The following ENTREP2 variants were observed in gnomAD, a reference collection of about 807,000 sequenced individuals.
ENTREP2 encodes endosomal transmembrane epsin interactor 2.
chr15:29,673,414 C>A, the ENTREP2 span, among the ~76,000 whole-genome samples: 2 of 151,936 alleles, frequency 1.3e-5, no homozygotes, highest in African/African-American at 4.8e-5. Context: ...GTGGTTCAAA[C>A]ACCTCTGACA....
chr15:29,650,177 TAA>T, the ENTREP2 span, among the ~76,000 whole-genome samples: 1 of 143,586 alleles, frequency 7.0e-6, no homozygotes, highest in African/African-American at 2.5e-5. Context: ...TAACTAAACT[TAA>T]AAAAAAAAAA....
chr15:29,159,780 C>T, the ENTREP2 span, among the ~76,000 whole-genome samples: 178 of 152,310 alleles, frequency 1.2e-3, 1 homozygote, highest in Non-Finnish European at 2.0e-3. Flanking sequence ...TTGAGCTAGA[C>T]ACAGAGTGCC....
chr15:29,543,786 A>G, the ENTREP2 span, among the ~76,000 whole-genome samples: 1 of 151,774 alleles, frequency 6.6e-6, no homozygotes, highest in Non-Finnish European at 1.5e-5. Flanking sequence ...CTCAAAAAAA[A>G]AAAAAATCCC....
the ENTREP2 span, among the ~76,000 whole-genome samples, chr15:29,272,055 AC>A: frequency 6.6e-6 from 1 of 152,188 alleles, no homozygotes; most frequent in Non-Finnish European, 1.5e-5. Flanking sequence ...CTCCAGCAGC[AC>A]GCTTACCTAG....
the ENTREP2 span, among the ~76,000 whole-genome samples, chr15:29,513,131 T>C: frequency 6.6e-6 from 1 of 152,192 alleles, no homozygotes. Flanking sequence ...AAAGAAAAGC[T>C]GTTTTCCACT....
At chr15:29,600,481 A>G in the ENTREP2 span, among the ~76,000 whole-genome samples, 8 of 151,706 alleles carry the variant, frequency 5.3e-5, no homozygotes, top group Admixed American at 2.0e-4. Flanking sequence ...AATCATCATC[A>G]TCGTCATCTC....
At chr15:29,157,761 G>T in the ENTREP2 span, among the ~76,000 whole-genome samples, 1 of 145,450 alleles carries the variant, frequency 6.9e-6, no homozygotes, top group African/African-American at 2.6e-5. Flanking sequence ...ATGGAGTCTC[G>T]CTGTGTCGCC....
At chr15:29,140,903 G>A in the ENTREP2 span, among the ~76,000 whole-genome samples, 1 of 152,234 alleles carries the variant, frequency 6.6e-6, no homozygotes, top group African/African-American at 2.4e-5. Flanking sequence ...GTACACCTGT[G>A]TCTGGTGCCC....
the ENTREP2 span, among the ~76,000 whole-genome samples, chr15:29,593,801 A>G: frequency 6.6e-6 from 1 of 152,208 alleles, no homozygotes; most frequent in East Asian, 1.9e-4. Context: ...AATGGCTGTT[A>G]TGGAAGGGTG....
chr15:29,402,395 G>T, the ENTREP2 span, among the ~76,000 whole-genome samples: 14 of 151,920 alleles, frequency 9.2e-5, no homozygotes, highest in Non-Finnish European at 1.8e-4. Flanking sequence ...AGCTCACTGT[G>T]ACCTCCACCT....
At chr15:29,126,572 G>T in the ENTREP2 span, 1 of 1,197,698 alleles carries the variant, frequency 8.3e-7, no homozygotes, top group Non-Finnish European at 1.2e-6. Flanking sequence ...TCAAACTCCA[G>T]ACCTAGATGA....
the ENTREP2 span, among the ~76,000 whole-genome samples, chr15:29,232,583 C>T: frequency 6.6e-6 from 1 of 151,982 alleles, no homozygotes; most frequent in Non-Finnish European, 1.5e-5. Context: ...GCCTTGAACT[C>T]CTGGGCTCAA....
chr15:29,565,047 CTG>C, the ENTREP2 span, among the ~76,000 whole-genome samples: 1 of 152,090 alleles, frequency 6.6e-6, no homozygotes, highest in Non-Finnish European at 1.5e-5. Context: ...TATGATAAAA[CTG>C]TCAGTACTCC....
chr15:29,144,221 C>T, the ENTREP2 span, among the ~76,000 whole-genome samples: 1 of 152,180 alleles, frequency 6.6e-6, no homozygotes, highest in Non-Finnish European at 1.5e-5. Context: ...GAGTTTCACA[C>T]ACACATACAC....
the ENTREP2 span, among the ~76,000 whole-genome samples, chr15:29,210,225 A>G: frequency 1.3e-5 from 2 of 152,188 alleles, no homozygotes; most frequent in Non-Finnish European, 1.5e-5. Flanking sequence ...TCCCAGGGCC[A>G]GGTAAGGTAC....
the ENTREP2 span, among the ~76,000 whole-genome samples, chr15:29,595,067 CAAAAAAAAAAAAA>C: frequency 5.8e-5 from 5 of 86,590 alleles, no homozygotes; most frequent in Non-Finnish European, 6.3e-5. Context: ...GACTCCGTCT[CAAAAAAAAAAAAA>C]AAAAAAAAAA....
At chr15:29,540,269 T>G in the ENTREP2 span, among the ~76,000 whole-genome samples, 1 of 152,232 alleles carries the variant, frequency 6.6e-6, no homozygotes, top group South Asian at 2.1e-4. Flanking sequence ...CTCTTCTCGC[T>G]ATGTTGAAAT....
the ENTREP2 span, among the ~76,000 whole-genome samples, chr15:29,445,512 A>G: frequency 6.6e-6 from 1 of 152,186 alleles, no homozygotes; most frequent in African/African-American, 2.4e-5. Context: ...ATGCCTCCAT[A>G]AAAACCTAAA....
At chr15:29,269,703 CAT>C in the ENTREP2 span, 1 of 1,535,470 alleles carries the variant, frequency 6.5e-7, no homozygotes, top group Non-Finnish European at 8.7e-7. Context: ...GTTTTTGCAA[CAT>C]GTCTCCGGCG....
Sources: allele counts gnomAD v4.1 joint callset (sites outside exome capture counted in the v4.1 genomes callset), GRCh38; gene constraint gnomAD v4.1.1; transcripts MANE v1.5; gene names NCBI Gene and HGNC (gene_info 2026-07-23, HGNC 2026-07-21).